Variants in ZNF445 observed in about 807,000 individuals in gnomAD.
ZNF445 encodes the protein zinc finger protein 168.
ZNF445 carries 19 observed loss-of-function variants against 93.9 expected under a neutral mutation model. The ratio of observed to expected loss-of-function variants is 0.20; its 90% confidence interval spans 0.14 to 0.30. The LOEUF is 0.30. ZNF445 is among the 10% of genes least tolerant of loss of function. ZNF445 has a pLI of 1.00. For missense variants in ZNF445, 1,058 were observed against 1,259.4 expected (o/e 0.84, Z 2.42); for synonymous variants, 449 against 446.3 (o/e 1.01, Z -0.08).
At chr3:44,450,985 A>G in intron 4 of ZNF445, 23 bp from the exon 5 acceptor site, 1 of 1,541,458 alleles carries the variant, frequency 6.5e-7, no homozygotes, top group Non-Finnish European at 8.7e-7. Context: ...AAGCCATGAG[A>G]GAGCGGCTCA....
At chr3:44,473,250 T>C (rs375137012) in intron 1 of ZNF445, among the ~76,000 whole-genome samples, 157 of 151,716 alleles carry the variant, frequency 1.0e-3, no homozygotes, top group African/African-American at 3.6e-3. Flanking sequence ...AGGTTGGGAG[T>C]TCGAGACCAG....
At position 44,470,459 on chromosome 3, in the gene ZNF445, G is replaced by T. The variant is rs572842837; in HGVS notation, c.-269+7132C>A. 2.0e-5 allele frequency among the ~76,000 whole-genome samples: 3 copies of T among 152,262 alleles called. No homozygotes were observed. In the South Asian group the frequency reaches 6.2e-4, roughly 32 times the overall value. ...ATTCACAAAAACTCTTACTGGTGGTGGGGGTAGGAAGGTAGAGAATTGCAT... is the reference window on the plus strand; with the variant it reads ...ATTCACAAAAACTCTTACTGGTGGTTGGGGTAGGAAGGTAGAGAATTGCAT... On this transcript the variant is annotated intron_variant, in intron 1 of 7. Transcript: ENST00000396077.
rs1336342551 is a variant in ZNF445, at chr3:44,450,588, T to C, written c.694-15A>G. ...GTCATGGTCTCCTGAAAAAACACTG[T>C]GCCCTAGAGCTGGTCCACAGCTCCC... On this transcript the variant is annotated splice_polypyrimidine_tract_variant and intron_variant, in intron 5 of 7. Coordinates refer to ENST00000396077, the MANE Select transcript of ZNF445 (RefSeq NM_181489.6). The C allele has an allele frequency of 1.2e-6, 2 of 1,612,490 alleles. No individual in the cohort carries two copies. The highest frequency in any genetic ancestry group is 2.7e-5 in the African/African-American group (2 of 74,864).
In ZNF445 at chr3:44,446,607, C is replaced by T. The variant is rs915420883; in HGVS notation, c.3064G>A (p.Ala1022Thr). 6.2e-7 allele frequency: 1 copy of T among 1,614,114 alleles called. No individual in the cohort carries two copies. Residue 1022 changes from alanine to threonine, a missense_variant, in exon 8 of 8, where the codon GCT becomes ACT. This residue lies in a region of ZNF445 where 387 missense variants were observed against 475.7 expected (regional missense o/e 0.81). Coordinates refer to ENST00000396077, the MANE Select transcript of ZNF445 (RefSeq NM_181489.6). The surrounding 1 kb of genome is among the most constrained non-coding windows in gnomAD (Gnocchi z 4.2). Reference protein sequence around the residue: ...GKTFRWSSNLARHMKNHIRD With the variant: ...GKTFRWSSNLTRHMKNHIRD Reference sequence around the variant, plus strand: ...CTAATATGGTTTTTCATATGCCGAGCCAGGTTCGAAGACCACCTGAAGGTC... The same window carrying T: ...CTAATATGGTTTTTCATATGCCGAGTCAGGTTCGAAGACCACCTGAAGGTC...
Position 44,444,778 on chromosome 3 carries a change from T to C in ZNF445, c.*1797A>G, listed in dbSNP as rs986928158. 2.0e-5 allele frequency: 3 copies of C among 152,062 alleles called. No individual in the cohort carries two copies. The highest frequency in any genetic ancestry group is 7.2e-5 in the African/African-American group (3 of 41,388). The allele number at this position is 152,062 out of a possible 1,614,324, so 9.4% of individuals were successfully genotyped here. A position where few individuals can be genotyped will look rare whatever the true frequency, so the allele number is the denominator to read the frequency against. ...CCTGCTCATGGCAATCCAGAGCAGG[T>C]AAGATTATTCCATACTCTACTGAAA... On this transcript the variant is annotated 3_prime_UTR_variant, in exon 8 of 8. Transcript: ENST00000396077.
Position 44,455,688 on chromosome 3 carries a change from C to T in ZNF445, c.-139G>A. On this transcript the variant is annotated 5_prime_UTR_variant, in exon 3 of 8. Transcript: ENST00000396077. The stretch of plus-strand genomic sequence containing the variant: ...AGTCATCAGCAAGTGACTGAAATTA[C>T]CAGCATTTCTGTGCAGGAGGGGATG... 4.0e-6 allele frequency: 3 copies of T among 756,860 alleles called. No individual in the cohort carries two copies. The South Asian group carries it at 5.8e-5, about 15-fold the overall frequency. The allele number at this position is 756,860 out of a possible 1,614,324, so 46.9% of individuals were successfully genotyped here.
chr3:44,463,413 A>G (rs571969628), intron 1 of ZNF445, among the ~76,000 whole-genome samples: 1 of 152,288 alleles, frequency 6.6e-6, no homozygotes, highest in Non-Finnish European at 1.5e-5. Flanking sequence ...GGAAAAACAG[A>G]GGAGGCACCA....
At chr3:44,452,145 C>G (rs377621957) in intron 3 of ZNF445, among the ~76,000 whole-genome samples, 12 of 152,252 alleles carry the variant, frequency 7.9e-5, no homozygotes, top group East Asian at 7.7e-4. Context: ...TAACTCTGGT[C>G]TCTGAGGCAA....
chr3:44,463,532 G>C (rs1698149852), intron 1 of ZNF445, among the ~76,000 whole-genome samples: 1 of 152,188 alleles, frequency 6.6e-6, no homozygotes, highest in African/African-American at 2.4e-5. Context: ...GCTCTGTTCT[G>C]TTTTGCGTTG....
chr3:44,455,391 C>T lies in ZNF445; in HGVS notation c.159G>A (p.Leu53=). 6.2e-7 allele frequency: 1 copy of T among 1,614,170 alleles called. No homozygotes were observed. The highest frequency in any genetic ancestry group is 8.5e-7 in the Non-Finnish European group (1 of 1,180,018). The change falls in exon 3 of 8, where the codon CTG becomes CTA. Residue 53 remains leucine, a synonymous_variant. Coordinates refer to ENST00000396077, the MANE Select transcript of ZNF445 (RefSeq NM_181489.6). ...PQTLNRPGQE[L]FRQLFRQLRY... ...GAAGCTGTCTGAAGAGCTGGCGGAACAGCTCCTGGCCAGGGCGGTTGAGAG... is the reference window on the plus strand; with the variant it reads ...GAAGCTGTCTGAAGAGCTGGCGGAATAGCTCCTGGCCAGGGCGGTTGAGAG...
intron 1 of ZNF445, among the ~76,000 whole-genome samples, chr3:44,465,470 A>G (rs1575316180): frequency 1.3e-5 from 2 of 152,360 alleles, no homozygotes; most frequent in African/African-American, 4.8e-5. Flanking sequence ...TGGGGCCAAA[A>G]TCTGGGCCCA....
At chr3:44,477,322 G>A (rs191933750) in intron 1 of ZNF445, among the ~76,000 whole-genome samples, 89 of 152,302 alleles carry the variant, frequency 5.8e-4, no homozygotes, top group Middle Eastern at 3.4e-3. Flanking sequence ...TGATAAATAC[G>A]CTTTATATGC....
At chr3:44,467,872 T>C (rs75285893) in intron 1 of ZNF445, among the ~76,000 whole-genome samples, 7 of 152,188 alleles carry the variant, frequency 4.6e-5, no homozygotes, top group African/African-American at 9.7e-5. Flanking sequence ...AGGGTTTTTT[T>C]CTGCAGTTTA....
chr3:44,469,033 C>CT (rs972616876), intron 1 of ZNF445, among the ~76,000 whole-genome samples: 2 of 144,210 alleles, frequency 1.4e-5, no homozygotes, highest in Admixed American at 1.4e-4. Context: ...TAGTGAGAGT[C>CT]TGTCTCAAAA....
chr3:44,472,850 G>C (rs751696465), intron 1 of ZNF445, among the ~76,000 whole-genome samples: 54 of 152,154 alleles, frequency 3.5e-4, no homozygotes, highest in Admixed American at 7.9e-4. Flanking sequence ...CTCAGAACTG[G>C]GAAGGAACAT....
intron 3 of ZNF445, among the ~76,000 whole-genome samples, chr3:44,453,468 C>T (rs1423473712): frequency 6.6e-6 from 1 of 151,390 alleles, no homozygotes; most frequent in East Asian, 2.0e-4. Flanking sequence ...CTAATTTCTG[C>T]CCTTTTAGTA....
In ZNF445 at chr3:44,445,813, G is replaced by A. The variant is rs1484967298; in HGVS notation, c.*762C>T. 2 of 152,408 alleles carry A rather than the reference G, an allele frequency of 1.3e-5. No individual in the cohort carries two copies. Among genetic ancestry groups the A allele is most frequent in the East Asian group, 3.8e-4 (2 of 5,202 alleles). 9.4% of individuals were successfully genotyped at this position (152,408 alleles called of 1,614,324 possible). A position where few individuals can be genotyped will look rare whatever the true frequency, so the allele number is the denominator to read the frequency against. ...TTGTTTGTCATCTGTAAAGATCCAA[G>A]ATGGCAGGATTTTCATCTGTTCTGG... On this transcript the variant is annotated 3_prime_UTR_variant, in exon 8 of 8. Coordinates refer to ENST00000396077, the MANE Select transcript of ZNF445 (RefSeq NM_181489.6).
chr3:44,454,890 T>C (rs552591261), intron 3 of ZNF445: 3 of 576,112 alleles, frequency 5.2e-6, no homozygotes, highest in South Asian at 4.1e-5. Flanking sequence ...TTATGGAGAC[T>C]TGCTGACCCT....
chr3:44,468,107 T>C (rs9883861), intron 1 of ZNF445, among the ~76,000 whole-genome samples: 1,860 of 152,308 alleles, frequency 0.012, 35 homozygotes, highest in African/African-American at 0.043. Context: ...ACTCAGACAG[T>C]TGCAAAGCAG....
Sources: gnomAD v4.1 joint callset for allele counts (sites outside exome capture counted in the v4.1 genomes callset) on GRCh38, gnomAD v4.1.1 for gene constraint, gnomAD v4.1.1 regional missense constraint, Gnocchi (gnomAD v3.1) non-coding constraint, MANE v1.5 for transcripts, NCBI Gene and HGNC (gene_info 2026-07-23, HGNC 2026-07-21) for gene names.